The following TBC1D5 variants were observed in gnomAD, a reference collection of about 807,000 sequenced individuals.
The protein encoded by TBC1D5 is TBC1 domain family, member 5.
Under a neutral mutation model 100.3 loss-of-function variants are expected in TBC1D5, and 75 were observed. The ratio of observed to expected loss-of-function variants is 0.75; its 90% CI spans 0.62 to 0.91. The LOEUF is 0.91. Ranked by LOEUF, TBC1D5 falls within the 40% of genes least tolerant of loss-of-function variation. TBC1D5 has a pLI of 0.00. For missense variants in TBC1D5, 910 were observed against 942.4 expected, an observed-to-expected ratio of 0.97 and a Z score of 0.45; for synonymous variants, 323 against 325.6, an observed-to-expected ratio of 0.99 and a Z score of 0.09.
At chr3:17,580,935 T>C (rs2096690212) in intron 2 of TBC1D5, among the ~76,000 whole-genome samples, 1 of 152,224 alleles carries the variant, frequency 6.6e-6, no homozygotes, top group African/African-American at 2.4e-5. Flanking sequence ...TATCTATATT[T>C]ACTGTACTGC....
At chr3:17,381,388 C>T (rs1006969965) in intron 9 of TBC1D5, among the ~76,000 whole-genome samples, 1 of 151,950 alleles carries the variant, frequency 6.6e-6, no homozygotes, top group African/African-American at 2.4e-5. Flanking sequence ...GATTCACTAT[C>T]ATCAAGTCTT....
intron 5 of TBC1D5, 122 bp from the exon 6 acceptor site, chr3:17,405,083 A>T (rs556291333): frequency 2.0e-6 from 1 of 500,264 alleles, no homozygotes; most frequent in South Asian, 4.5e-5. Context: ...TATTCATATC[A>T]TCATTTCAAT....
At chr3:17,572,278 C>A (rs890991036) in intron 2 of TBC1D5, among the ~76,000 whole-genome samples, 3 of 151,590 alleles carry the variant, frequency 2.0e-5, no homozygotes, top group Admixed American at 1.3e-4. Flanking sequence ...CAAATCCACA[C>A]TTTTCATATT....
intron 7 of TBC1D5, among the ~76,000 whole-genome samples, chr3:17,403,567 T>G (rs935662119): frequency 1.3e-5 from 2 of 151,700 alleles, no homozygotes; most frequent in African/African-American, 4.8e-5. Flanking sequence ...AATACAACAA[T>G]AAAAAAATAC....
intron 14 of TBC1D5, among the ~76,000 whole-genome samples, chr3:17,306,472 A>C (rs888370342): frequency 1.3e-5 from 2 of 152,190 alleles, no homozygotes; most frequent in African/African-American, 4.8e-5. Flanking sequence ...AAATCACTTC[A>C]TTACTTCTGT....
rs1559335825 is a variant in TBC1D5, at chr3:17,166,816, TG to T, written c.2044del (p.Gln682ArgfsTer36). 1.2e-6 allele frequency: 2 copies of T among 1,614,226 alleles called. No individual in the cohort carries two copies. The highest frequency in any genetic ancestry group is 1.7e-6 in the Non-Finnish European group (2 of 1,180,014). ...AACGCTCTGGCCTTGGCCTCGGCCC[TG>T]GCCCTGGCCGCTGGAGCAGTAGTGG... is the stretch of plus-strand genomic sequence containing the variant. On this transcript the variant is annotated frameshift_variant, in exon 21 of 22. Transcript: ENST00000253692. LOFTEE classifies it low-confidence loss of function (END_TRUNC).
At chr3:17,701,122 C>T (rs971533970) in intron 1 of TBC1D5, among the ~76,000 whole-genome samples, 5 of 152,116 alleles carry the variant, frequency 3.3e-5, no homozygotes, top group Non-Finnish European at 5.9e-5. Flanking sequence ...AAATGTGGCA[C>T]ATATACACCA....
chr3:17,232,161 G>A lies in TBC1D5; in HGVS notation c.1588+6002C>T, dbSNP rs530251631. 5.3e-5 allele frequency among the ~76,000 whole-genome samples: 8 copies of A among 152,202 alleles called. No homozygotes were observed. In the South Asian group the frequency reaches 8.3e-4, roughly 16 times the overall value. ...TTTGAAGTTCTAGTTAAACAGTTAC[G>A]TTACTCCTGTGGCTCTGGTTTGTAG... On this transcript the variant is annotated intron_variant, in intron 17 of 21. Transcript: ENST00000253692.
At chr3:17,244,703 C>A (rs1224501547) in intron 16 of TBC1D5, among the ~76,000 whole-genome samples, 1 of 152,076 alleles carries the variant, frequency 6.6e-6, no homozygotes, top group African/African-American at 2.4e-5. Flanking sequence ...TCTCTTTGCA[C>A]CCCTGTATAC....
At chr3:17,249,260 C>T (rs569275051) in intron 16 of TBC1D5, among the ~76,000 whole-genome samples, 14 of 152,254 alleles carry the variant, frequency 9.2e-5, no homozygotes, top group South Asian at 4.1e-4. Flanking sequence ...TTGTTTGCTG[C>T]GAGAGATCTA....
chr3:17,226,569 A>G (rs1202007372), intron 17 of TBC1D5, among the ~76,000 whole-genome samples: 1 of 152,096 alleles, frequency 6.6e-6, no homozygotes, highest in Non-Finnish European at 1.5e-5. Context: ...CCTGGGAATT[A>G]ACTCCAATCC....
At chr3:17,383,962 T>C (rs2093050950) in exon 9 of TBC1D5, 3 of 1,604,070 alleles carry the variant, frequency 1.9e-6, no homozygotes, top group South Asian at 1.1e-5. Context: ...GAAAAGAACA[T>C]CTGTAAGAAT....
intron 3 of TBC1D5, among the ~76,000 whole-genome samples, chr3:17,484,859 G>A (rs1286001937): frequency 6.6e-6 from 1 of 152,016 alleles, no homozygotes; most frequent in Non-Finnish European, 1.5e-5. Flanking sequence ...CAGAATCTCT[G>A]TACTTAACTG....
intron 15 of TBC1D5, among the ~76,000 whole-genome samples, chr3:17,272,003 G>A (rs947318400): frequency 6.6e-6 from 1 of 152,130 alleles, no homozygotes; most frequent in African/African-American, 2.4e-5. Flanking sequence ...CACCTACACA[G>A]GGAACCTCAT....
chr3:17,256,480 A>G (rs1434254749), intron 16 of TBC1D5, among the ~76,000 whole-genome samples: 1 of 148,304 alleles, frequency 6.7e-6, no homozygotes, highest in Admixed American at 6.8e-5. Flanking sequence ...AATGTGTTAT[A>G]TATATATAAC....
At chr3:17,382,878 T>C (rs1430614665) in intron 9 of TBC1D5, among the ~76,000 whole-genome samples, 6 of 152,080 alleles carry the variant, frequency 3.9e-5, no homozygotes. Context: ...TTCCTTCATA[T>C]AGCTTTTGTA....
At chr3:17,680,249 A>T (rs1239180167) in intron 1 of TBC1D5, among the ~76,000 whole-genome samples, 17 of 146,674 alleles carry the variant, frequency 1.2e-4, no homozygotes, top group Admixed American at 2.0e-4. Context: ...TTTTTTTTTT[A>T]AAGACAGGGT....
intron 3 of TBC1D5, among the ~76,000 whole-genome samples, chr3:17,478,897 T>G (rs989554577): frequency 2.0e-5 from 3 of 152,218 alleles, no homozygotes; most frequent in Admixed American, 2.0e-4. Flanking sequence ...GTAAGCAAGC[T>G]CAGCTCAGAG....
At chr3:17,741,320 T>G (rs535504399), upstream of TBC1D5, among the ~76,000 whole-genome samples, 15 of 152,234 alleles carry the variant, frequency 9.9e-5, no homozygotes, top group South Asian at 3.1e-3. Context: ...TACAAATGAA[T>G]TCAGAGATAT....
Sources: allele counts gnomAD v4.1 joint callset (sites outside exome capture counted in the v4.1 genomes callset), GRCh38; gene constraint gnomAD v4.1.1; transcripts MANE v1.5; gene names NCBI Gene and HGNC (gene_info 2026-07-23, HGNC 2026-07-21).